Variants in DPP10 observed in about 807,000 individuals in gnomAD.
The protein encoded by DPP10 is dipeptidyl peptidase like 10.
DPP10 carries 33 observed loss-of-function variants against 120.9 expected under a neutral mutation model. The ratio of observed to expected loss-of-function variants is 0.27; its 90% confidence interval spans 0.21 to 0.37. DPP10 has a LOEUF of 0.37. DPP10 is among the 10% of genes least tolerant of loss of function. The probability of loss-of-function intolerance (pLI) is 1.00; values close to 1 mark genes in which losing one functional copy is unlikely to be tolerated. For synonymous variants in DPP10, 337 were observed against 326.1 expected, an observed-to-expected ratio of 1.03 and a Z score of -0.36; for missense variants, 816 against 942.8, an observed-to-expected ratio of 0.87 and a Z score of 1.76.
chr2:115,647,934 G>A (rs753691814), intron 5 of DPP10, among the ~76,000 whole-genome samples: 2 of 152,160 alleles, frequency 1.3e-5, no homozygotes, highest in African/African-American at 2.4e-5. Flanking sequence ...CGTGAATTTT[G>A]GAGGGAGCAA....
At chr2:114,966,949 G>A (rs1390443559) in intron 1 of DPP10, among the ~76,000 whole-genome samples, 1 of 152,158 alleles carries the variant, frequency 6.6e-6, no homozygotes, top group East Asian at 1.9e-4. Flanking sequence ...GGCTGAGGCA[G>A]GAGAATCGCT....
At chr2:115,344,798 C>T (rs923575988) in intron 3 of DPP10, among the ~76,000 whole-genome samples, 2 of 152,114 alleles carry the variant, frequency 1.3e-5, no homozygotes, top group African/African-American at 4.8e-5. Context: ...AATCTTTACC[C>T]TTCACTTTAT....
chr2:115,764,524 T>C (rs1375805865), intron 12 of DPP10, among the ~76,000 whole-genome samples: 2 of 152,250 alleles, frequency 1.3e-5, no homozygotes, highest in South Asian at 2.1e-4. Flanking sequence ...ATAATACTTA[T>C]GCATTCTGAA....
intron 1 of DPP10, among the ~76,000 whole-genome samples, chr2:114,951,192 T>C (rs1174052129): frequency 3.3e-5 from 5 of 152,160 alleles, no homozygotes; most frequent in Non-Finnish European, 4.4e-5. Flanking sequence ...CAAGATTTAG[T>C]ACACAACACT....
At chr2:115,172,237 C>T (rs902331613) in intron 1 of DPP10, among the ~76,000 whole-genome samples, 1 of 151,944 alleles carries the variant, frequency 6.6e-6, no homozygotes, top group African/African-American at 2.4e-5. Flanking sequence ...AAGGCTTCTC[C>T]CCCGGGCGTG....
At chr2:114,845,258 C>T (rs1043650558) in intron 1 of DPP10, among the ~76,000 whole-genome samples, 10 of 152,062 alleles carry the variant, frequency 6.6e-5, no homozygotes, top group African/African-American at 2.4e-4. Context: ...CTTACAATCT[C>T]ATTAGGAAAA....
At chr2:115,364,666 T>C (rs2064982341) in intron 3 of DPP10, among the ~76,000 whole-genome samples, 1 of 151,840 alleles carries the variant, frequency 6.6e-6, no homozygotes, top group African/African-American at 2.4e-5. Context: ...GCATGACTTT[T>C]ATGCTTAGCA....
intron 1 of DPP10, among the ~76,000 whole-genome samples, chr2:114,742,868 T>C (rs1678200112): frequency 6.6e-6 from 1 of 152,238 alleles, no homozygotes; most frequent in African/African-American, 2.4e-5. Flanking sequence ...CTAGAAGAAA[T>C]GCCAATGCAG....
At chr2:114,894,848 A>G (rs1181766990) in intron 1 of DPP10, among the ~76,000 whole-genome samples, 1 of 152,170 alleles carries the variant, frequency 6.6e-6, no homozygotes, top group African/African-American at 2.4e-5. Flanking sequence ...AAAATAATTG[A>G]TTAAGGAATA....
chr2:114,469,018 A>G (rs892584477), intron 1 of DPP10, among the ~76,000 whole-genome samples: 2 of 152,234 alleles, frequency 1.3e-5, no homozygotes, highest in African/African-American at 4.8e-5. Context: ...CAGAGATAGC[A>G]TGTGAAAGAA....
intron 1 of DPP10, among the ~76,000 whole-genome samples, chr2:115,129,833 G>A (rs532375725): frequency 2.0e-5 from 3 of 152,192 alleles, no homozygotes; most frequent in East Asian, 3.9e-4. Flanking sequence ...TTCAGAATAC[G>A]CATTTAAACA....
chr2:115,610,708 A>G (rs2084038524), intron 5 of DPP10, among the ~76,000 whole-genome samples: 1 of 152,144 alleles, frequency 6.6e-6, no homozygotes, highest in Admixed American at 6.6e-5. Context: ...TTATTATTGT[A>G]AGAGATCTTG....
At chr2:115,047,196 G>A (rs894040170) in intron 1 of DPP10, among the ~76,000 whole-genome samples, 1 of 152,006 alleles carries the variant, frequency 6.6e-6, no homozygotes, top group Non-Finnish European at 1.5e-5. Flanking sequence ...GAAATACGCT[G>A]AATAAATAGA....
At chr2:115,456,890 G>A (rs1327523038) in intron 3 of DPP10, among the ~76,000 whole-genome samples, 1 of 151,992 alleles carries the variant, frequency 6.6e-6, no homozygotes, top group African/African-American at 2.4e-5. Context: ...GATGGGTGCA[G>A]CAAACCACCA....
intron 3 of DPP10, among the ~76,000 whole-genome samples, chr2:115,377,717 A>T (rs1438911293): frequency 6.6e-6 from 1 of 151,984 alleles, no homozygotes; most frequent in Non-Finnish European, 1.5e-5. Flanking sequence ...TCCATCTTGA[A>T]TTGATTTTTG....
At chr2:115,128,467 T>C (rs531635917) in intron 1 of DPP10, among the ~76,000 whole-genome samples, 1 of 152,330 alleles carries the variant, frequency 6.6e-6, no homozygotes, top group South Asian at 2.1e-4. Flanking sequence ...TATTTCCTCA[T>C]AATTCCTCTG....
chr2:115,231,791 C>A lies in DPP10; in HGVS notation c.61-77448C>A, dbSNP rs201569494. 2.0e-5 allele frequency among the ~76,000 whole-genome samples: 3 copies of A among 152,290 alleles called. No homozygotes were observed. In the East Asian group the frequency reaches 5.8e-4, roughly 29 times the overall value. The stretch of plus-strand genomic sequence containing the variant: ...TCTGTGACTCTCACCATTTCCCTCC[C>A]TCTATGCTCCCACCACAGTATTTGG... On this transcript the variant is annotated intron_variant, in intron 1 of 25. Transcript: ENST00000410059.
At chr2:115,181,661 C>T (rs1165613589) in intron 1 of DPP10, among the ~76,000 whole-genome samples, 2 of 152,134 alleles carry the variant, frequency 1.3e-5, no homozygotes, top group Non-Finnish European at 2.9e-5. Flanking sequence ...AGCCTCTTTT[C>T]TGCCATATTT....
chr2:114,585,072 T>C (rs1690839704), intron 1 of DPP10, among the ~76,000 whole-genome samples: 1 of 152,182 alleles, frequency 6.6e-6, no homozygotes, highest in Admixed American at 6.5e-5. Context: ...CGTTTATTAG[T>C]TCATAGTGCC....
Sources: gnomAD v4.1 joint callset for allele counts (sites outside exome capture counted in the v4.1 genomes callset) on GRCh38, gnomAD v4.1.1 for gene constraint, MANE v1.5 for transcripts, NCBI Gene and HGNC (gene_info 2026-07-23, HGNC 2026-07-21) for gene names.